Variants in SLC4A4 observed in about 807,000 individuals in gnomAD.
SLC4A4 encodes the protein solute carrier family 4 member 4, also known as electrogenic sodium bicarbonate cotransporter 1.
In SLC4A4, 27 loss-of-function variants were observed where a neutral mutation model predicts 111.5. That is an observed-to-expected ratio of 0.24 (90% confidence interval 0.18 to 0.33). The LOEUF (loss-of-function observed/expected upper bound fraction) is 0.33. SLC4A4 is among the 10% of genes least tolerant of loss of function. The pLI is 1.00. For missense variants in SLC4A4, 909 were observed against 1,315.5 expected (o/e 0.69, Z 4.78); for synonymous variants, 443 against 463.4 (o/e 0.96, Z 0.57).
intron 2 of SLC4A4, among the ~76,000 whole-genome samples, chr4:71,241,676 T>C (rs946638199): frequency 6.6e-6 from 1 of 152,202 alleles, no homozygotes; most frequent in Non-Finnish European, 1.5e-5. Flanking sequence ...ACCTCTTCTC[T>C]GCTGTTCACT....
intron 3 of SLC4A4, 119 bp downstream of exon 3, chr4:71,255,518 AT>A: frequency 1.9e-6 from 2 of 1,059,570 alleles, no homozygotes; most frequent in Non-Finnish European, 2.9e-6. Context: ...GATGTTTAGA[AT>A]CTGTTCTAAA....
At chr4:71,064,139 A>G (rs1329699824) in intron 1 of SLC4A4, among the ~76,000 whole-genome samples, 2 of 152,194 alleles carry the variant, frequency 1.3e-5, no homozygotes, top group East Asian at 3.9e-4. Context: ...CATTTCTGTG[A>G]TTTCTATAAT....
intron 7 of SLC4A4, among the ~76,000 whole-genome samples, chr4:71,413,306 T>A (rs1233871061): frequency 6.6e-6 from 1 of 152,216 alleles, no homozygotes; most frequent in African/African-American, 2.4e-5. Flanking sequence ...TGGAAAGACC[T>A]AGTTTAATTG....
chr4:71,495,124 G>T lies in SLC4A4; in HGVS notation c.1975-2377G>T, dbSNP rs544091955. On this transcript the variant is annotated intron_variant, in intron 15 of 25. Transcript: ENST00000264485. ...ATAGTGATACAAAGAATCATTTGAG[G>T]CTTACAAAATAGTGATCATTTGGCA... Among the ~76,000 whole-genome samples, 5 of 152,094 alleles carry T rather than the reference G, an allele frequency of 3.3e-5. No homozygotes were observed. In the South Asian group the frequency reaches 8.3e-4, roughly 25 times the overall value.
At chr4:71,172,594 T>A (rs2148983053) in intron 2 of SLC4A4, among the ~76,000 whole-genome samples, 1 of 152,366 alleles carries the variant, frequency 6.6e-6, no homozygotes, top group Middle Eastern at 3.4e-3. Flanking sequence ...AGAATATGAA[T>A]CTTCTTTAAG....
intron 3 of SLC4A4, among the ~76,000 whole-genome samples, chr4:71,279,981 G>T (rs1362148133): frequency 3.3e-5 from 5 of 152,078 alleles, no homozygotes; most frequent in Admixed American, 6.5e-5. Flanking sequence ...TTTTTGTAGG[G>T]ATGGGATTTC....
Position 71,356,805 on chromosome 4 carries a change from T to G in SLC4A4, c.551-203T>G, listed in dbSNP as rs562333461. Among the ~76,000 whole-genome samples the G allele has an allele frequency of 5.9e-5, 9 of 152,330 alleles. No individual in the cohort carries two copies. The South Asian group carries it at 1.9e-3, about 32-fold the overall frequency. On this transcript the variant is annotated intron_variant, in intron 5 of 25. Coordinates refer to ENST00000264485, the MANE Select transcript of SLC4A4 (RefSeq NM_001098484.3). ...TGGGCCTGAAAAAACATAAAATGAA[T>G]ACTCTAATATTTGTATCTCTCTCAT...
At position 71,323,323 on chromosome 4, in the gene SLC4A4, A is replaced by T. The variant is rs1366104069; in HGVS notation, c.254-16047A>T. Among the ~76,000 whole-genome samples, 3 of 151,984 alleles carry T rather than the reference A, an allele frequency of 2.0e-5. No individual in the cohort carries two copies. In the East Asian group the frequency reaches 5.8e-4, roughly 29 times the overall value. Reference sequence around the variant, plus strand: ...CCTTCTGGTGGTTTTTTTTCTATACATATTATATAAGTTAATAAGCCTGTT... The same window carrying T: ...CCTTCTGGTGGTTTTTTTTCTATACTTATTATATAAGTTAATAAGCCTGTT... On this transcript the variant is annotated intron_variant, in intron 3 of 25. Transcript: ENST00000264485.
In SLC4A4 at chr4:71,534,313, G is replaced by C. The variant is rs772806856; in HGVS notation, c.2367G>C (p.Leu789Phe). The C allele has an allele frequency of 6.2e-7, 1 of 1,613,686 alleles. No homozygotes were observed. Among genetic ancestry groups the C allele is most frequent in the Non-Finnish European group, 8.5e-7 (1 of 1,179,792 alleles). ...WVCLAAAIPALLVTILIFMDQ... is the reference protein window; with the variant it reads ...WVCLAAAIPAFLVTILIFMDQ... ...GCCTTGCTGCTGCTATCCCGGCTTTGTTGGTCACTATACTGATTTTCATGG... is the reference window on the plus strand; with the variant it reads ...GCCTTGCTGCTGCTATCCCGGCTTTCTTGGTCACTATACTGATTTTCATGG... Residue 789 changes from leucine (L) to phenylalanine (F), a missense_variant, in exon 18 of 26, where the codon TTG becomes TTC. By Grantham distance (22) the Leu-to-Phe change is conservative. Coordinates refer to ENST00000264485, the MANE Select transcript of SLC4A4 (RefSeq NM_001098484.3).
At chr4:71,475,939 C>T (rs987449972) in intron 14 of SLC4A4, among the ~76,000 whole-genome samples, 9 of 151,762 alleles carry the variant, frequency 5.9e-5, no homozygotes, top group Admixed American at 3.9e-4. Flanking sequence ...CTATCTTCAT[C>T]ATCCTTCCTT....
chr4:71,168,131 T>C (rs945997993), intron 2 of SLC4A4, among the ~76,000 whole-genome samples: 3 of 151,860 alleles, frequency 2.0e-5, no homozygotes, highest in African/African-American at 4.8e-5. Flanking sequence ...GGGCATCTAT[T>C]ACCTCAAGCA....
intron 7 of SLC4A4, among the ~76,000 whole-genome samples, chr4:71,411,413 T>C (rs1721353954): frequency 6.6e-6 from 1 of 151,906 alleles, no homozygotes; most frequent in Non-Finnish European, 1.5e-5. Flanking sequence ...TTATAAGCTG[T>C]TACAGCACAT....
intron 8 of SLC4A4, among the ~76,000 whole-genome samples, chr4:71,442,822 C>T (rs1024530361): frequency 9.9e-5 from 15 of 151,966 alleles, no homozygotes; most frequent in Non-Finnish European, 2.9e-5. Context: ...GCTCTAGCAG[C>T]TCCCATTTCT....
At chr4:71,541,101 C>T (rs1230327592) in intron 18 of SLC4A4, among the ~76,000 whole-genome samples, 2 of 152,104 alleles carry the variant, frequency 1.3e-5, no homozygotes, top group African/African-American at 4.8e-5. Flanking sequence ...AAAATGTCTT[C>T]AGGCATTGCC....
At chr4:71,215,013 CTCTAACCCAGAGTCAATATGTTACTTA>C (rs1718341110) in intron 1 of SLC4A4, among the ~76,000 whole-genome samples, 1 of 152,188 alleles carries the variant, frequency 6.6e-6, no homozygotes, top group Admixed American at 6.5e-5. Context: ...ATTATCTGAT[CTCTAACCCAGAGTCAATATGTTACTTA>C]TCTTATTAGC....
chr4:71,307,754 GA>G (rs1725808468), intron 3 of SLC4A4, among the ~76,000 whole-genome samples: 1 of 152,190 alleles, frequency 6.6e-6, no homozygotes, highest in African/African-American at 2.4e-5. Flanking sequence ...GTACACCTTT[GA>G]AACAAGGTTG....
At chr4:71,182,542 C>T (rs759579573), upstream of SLC4A4, among the ~76,000 whole-genome samples, 1 of 152,108 alleles carries the variant, frequency 6.6e-6, no homozygotes, top group Non-Finnish European at 1.5e-5. Flanking sequence ...AGCAATGGAA[C>T]AGCTGAATCC....
intron 2 of SLC4A4, among the ~76,000 whole-genome samples, chr4:71,241,133 G>T (rs1319733601): frequency 1.3e-5 from 2 of 151,882 alleles, no homozygotes; most frequent in Admixed American, 6.6e-5. Context: ...AAAGAAAAGA[G>T]AAAAGGAAAA....
intron 3 of SLC4A4, among the ~76,000 whole-genome samples, 170 bp downstream of exon 3, chr4:71,255,569 T>TA (rs2149061463): frequency 6.6e-6 from 1 of 152,174 alleles, no homozygotes; most frequent in South Asian, 2.1e-4. Context: ...TACCAGCAGG[T>TA]TAATCTAGGA....
Sources: gnomAD v4.1 joint callset for allele counts (sites outside exome capture counted in the v4.1 genomes callset) on GRCh38, gnomAD v4.1.1 for gene constraint, MANE v1.5 for transcripts, NCBI Gene and HGNC (gene_info 2026-07-23, HGNC 2026-07-21) for gene names.